PKNOX1: variants seen among roughly 807,000 people sequenced by gnomAD.
PKNOX1 encodes PBX/knotted 1 homeobox 1, also known as homeobox protein PKNOX1.
Under a neutral mutation model 51.9 loss-of-function variants are expected in PKNOX1, and 15 were observed. The observed-to-expected ratio is 0.29, with a 90% confidence interval of 0.19 to 0.45. The LOEUF (loss-of-function observed/expected upper bound fraction) is 0.45. Among genes scored for constraint, PKNOX1 ranks in the 20% least tolerant of loss-of-function variants. The pLI, the probability that PKNOX1 is intolerant of heterozygous loss-of-function variation, is 1.00. For synonymous variants in PKNOX1, 219 were observed against 211.1 expected, an observed-to-expected ratio of 1.04 and a Z score of -0.32; for missense variants, 462 against 547.5, an observed-to-expected ratio of 0.84 and a Z score of 1.56.
At chr21:42,987,404 A>AAAAAAAAAATATATATATATATATATAT in intron 1 of PKNOX1, among the ~76,000 whole-genome samples, 2 of 41,414 alleles carry the variant, frequency 4.8e-5, no homozygotes, top group African/African-American at 1.9e-4. Flanking sequence ...AAAAAAAAAA[A>AAAAAAAAAATATATATATATATATATAT]ATATATATAT....
intron 10 of PKNOX1, 177 bp downstream of exon 10, chr21:43,029,051 C>G: frequency 1.5e-6 from 1 of 649,488 alleles, no homozygotes; most frequent in Non-Finnish European, 2.7e-6. Flanking sequence ...CACGGGAGCT[C>G]TCAGTAAGAG....
At chr21:42,994,918 C>T (rs373718747) in intron 1 of PKNOX1, among the ~76,000 whole-genome samples, 5 of 113,568 alleles carry the variant, frequency 4.4e-5, no homozygotes, top group Admixed American at 1.0e-4. Context: ...TTTCTTTCTT[C>T]TTTTTTTTTT....
Position 43,028,633 on chromosome 21 carries a change from G to T in PKNOX1, c.927-69G>T, listed in dbSNP as rs1311828633. On this transcript the variant is annotated intron_variant, in intron 9 of 10. Coordinates refer to ENST00000291547, the MANE Select transcript of PKNOX1 (RefSeq NM_004571.5). ...CGTAGAGCAGCGTGTTTGTTAGAAG[G>T]ATTTGTTAATCCTGTATAGGGTCTT... 4 of 1,431,286 alleles carry T rather than the reference G, an allele frequency of 2.8e-6. No homozygotes were observed. The African/African-American group carries it at 5.7e-5, about 20-fold the overall frequency. 88.7% of individuals were successfully genotyped at this position (1,431,286 alleles called of 1,614,324 possible).
intron 1 of PKNOX1, among the ~76,000 whole-genome samples, chr21:42,991,745 AAC>A (rs1491428619): frequency 6.6e-6 from 1 of 152,118 alleles, no homozygotes; most frequent in Non-Finnish European, 1.5e-5. Flanking sequence ...AAAAAAAAAA[AAC>A]AAACCAAAAA....
chr21:43,021,483 C>T lies in PKNOX1; in HGVS notation c.849+52C>T, dbSNP rs560964385. 9 of 1,533,372 alleles carry T rather than the reference C, an allele frequency of 5.9e-6. No homozygotes were observed. Among genetic ancestry groups the T allele is most frequent in the Middle Eastern group, 2.3e-4 (1 of 4,328 alleles). The allele number at this position is 1,533,372 out of a possible 1,614,324, so 95.0% of individuals were successfully genotyped here. On this transcript the variant is annotated intron_variant, in intron 8 of 10. Transcript: ENST00000291547. The surrounding 1 kb of genome is among the most constrained non-coding windows in gnomAD (Gnocchi z 4.6). Reference sequence around the variant, plus strand: ...CTTGCAGCCCTCTGCGACGCTTGCTCTCTGGCTTATGTGTCATGGAAAAGG... The same window carrying T: ...CTTGCAGCCCTCTGCGACGCTTGCTTTCTGGCTTATGTGTCATGGAAAAGG...
intron 6 of PKNOX1, chr21:43,017,263 A>G: frequency 3.6e-6 from 1 of 281,680 alleles, no homozygotes; most frequent in Non-Finnish European, 6.7e-6. Context: ...TTGAAAATAT[A>G]CACCAAAAAC....
chr21:43,028,915 G>A, intron 10 of PKNOX1, 41 bp downstream of exon 10: 1 of 1,601,756 alleles, frequency 6.2e-7, no homozygotes, highest in Non-Finnish European at 8.6e-7. Flanking sequence ...TGGACCATGG[G>A]GTGGGGATTA....
intron 1 of PKNOX1, among the ~76,000 whole-genome samples, chr21:43,001,736 G>T (rs961388687): frequency 6.6e-6 from 1 of 152,154 alleles, no homozygotes; most frequent in African/African-American, 2.4e-5. Flanking sequence ...TGAGGCGGGC[G>T]GATCACAAGG....
intron 1 of PKNOX1, chr21:43,003,859 G>A (rs1429679467): frequency 6.5e-6 from 1 of 153,008 alleles, no homozygotes; most frequent in African/African-American, 2.4e-5. Context: ...GTAAGTGAAG[G>A]GTTGCTAAGT....
chr21:42,999,439 A>C lies in PKNOX1; in HGVS notation c.-56-4887A>C, dbSNP rs367791551. Among the ~76,000 whole-genome samples the C allele has an allele frequency of 5.3e-5, 8 of 152,128 alleles. No homozygotes were observed. In the South Asian group the frequency reaches 6.2e-4, roughly 12 times the overall value. ...GGCTCCTCATTACTTATGCAAATTT[A>C]TGCAGCCAGCTTGAATTTCTCCTCA... On this transcript the variant is annotated intron_variant, in intron 1 of 10. Coordinates refer to ENST00000291547, the MANE Select transcript of PKNOX1 (RefSeq NM_004571.5).
chr21:43,022,705 T>A lies in PKNOX1; in HGVS notation c.849+1274T>A, dbSNP rs1979816803. Among the ~76,000 whole-genome samples, 3 of 152,254 alleles carry A rather than the reference T, an allele frequency of 2.0e-5. No homozygotes were observed. The South Asian group carries it at 6.2e-4, about 32-fold the overall frequency. ...TCAGTCACAAGAAAACGGAAAGATT[T>A]GTGTGTAAGAATGTTAGTGTCGTTC... On this transcript the variant is annotated intron_variant, in intron 8 of 10. Coordinates refer to ENST00000291547, the MANE Select transcript of PKNOX1 (RefSeq NM_004571.5).
Position 43,029,957 on chromosome 21 carries a change from C to G in PKNOX1, c.1167C>G (p.Asp389Glu). ...NVDSLQSLSS[D>E]GATLAVQQVM... is the part of the protein sequence containing the mutation. ...ACAGCCTTCAGTCTCTGTCCTCGGA[C>G]GGGGCCACCCTGGCGGTGCAGCAGG... The change falls in exon 11 of 11, where the codon GAC becomes GAG. Residue 389 changes from aspartate to glutamate, a missense_variant. Transcript: ENST00000291547. The G allele has an allele frequency of 6.2e-7, 1 of 1,614,158 alleles. No homozygotes were observed. Among genetic ancestry groups the G allele is most frequent in the Non-Finnish European group, 8.5e-7 (1 of 1,180,018 alleles).
chr21:43,017,929 G>T (rs1406833945), intron 6 of PKNOX1: 1 of 517,596 alleles, frequency 1.9e-6, no homozygotes. Flanking sequence ...CAAGAAGAGG[G>T]CTGGTCGCAG....
intron 1 of PKNOX1, among the ~76,000 whole-genome samples, chr21:42,998,329 C>T (rs1978600275): frequency 6.6e-6 from 1 of 152,284 alleles, no homozygotes; most frequent in Non-Finnish European, 1.5e-5. Context: ...CTCCCACCAG[C>T]TCCCTCCCAT....
chr21:42,976,751 A>G (rs1030810212), intron 1 of PKNOX1, among the ~76,000 whole-genome samples: 3 of 152,342 alleles, frequency 2.0e-5, no homozygotes, highest in East Asian at 1.9e-4. Flanking sequence ...CCAAGTCATC[A>G]TAAGGGTTAG....
intron 1 of PKNOX1, among the ~76,000 whole-genome samples, chr21:43,003,549 C>T (rs1237596372): frequency 6.6e-6 from 1 of 152,198 alleles, no homozygotes; most frequent in Non-Finnish European, 1.5e-5. Flanking sequence ...TCTCCAGTCT[C>T]GACGTAACAG....
At chr21:43,024,066 C>T (rs1187394245) in intron 8 of PKNOX1, among the ~76,000 whole-genome samples, 2 of 152,142 alleles carry the variant, frequency 1.3e-5, no homozygotes, top group Non-Finnish European at 2.9e-5. Flanking sequence ...TGAAATGTTT[C>T]AATCATACAT....
intron 2 of PKNOX1, among the ~76,000 whole-genome samples, chr21:43,004,909 G>A (rs1978922316): frequency 6.6e-6 from 1 of 152,146 alleles, no homozygotes; most frequent in South Asian, 2.1e-4. Flanking sequence ...CTCGTGCTTG[G>A]ATGGTTGTGC....
Position 43,028,685 on chromosome 21 carries a change from C to G in PKNOX1, c.927-17C>G, listed in dbSNP as rs370046416. The G allele has an allele frequency of 2.4e-5, 38 of 1,611,912 alleles. No individual in the cohort carries two copies. The Admixed American group carries it at 6.4e-4, about 27-fold the overall frequency. On this transcript the variant is annotated splice_polypyrimidine_tract_variant and intron_variant, in intron 9 of 10. Transcript: ENST00000291547. ...ACGAAGGCTGTTTTCATGGAAGCTT[C>G]TCTTTGTTGACTCCAGGTTCATCAA...
Sources: allele counts gnomAD v4.1 joint callset (sites outside exome capture counted in the v4.1 genomes callset), GRCh38; gene constraint gnomAD v4.1.1; non-coding constraint Gnocchi (gnomAD v3.1); transcripts MANE v1.5; gene names NCBI Gene and HGNC (gene_info 2026-07-23, HGNC 2026-07-21).